HS6ST3: variants seen among roughly 807,000 people sequenced by gnomAD.
HS6ST3 encodes the protein heparan sulfate 6-O-sulfotransferase 3.
In HS6ST3, 12 loss-of-function variants were observed where a neutral mutation model predicts 36.7. That is an observed-to-expected ratio of 0.33 (90% CI 0.21 to 0.53). HS6ST3 has a LOEUF of 0.53. HS6ST3 is among the 20% of genes least tolerant of loss of function. The probability of loss-of-function intolerance (pLI) is 0.95; values close to 1 mark genes in which losing one functional copy is unlikely to be tolerated. For synonymous variants in HS6ST3, 240 were observed against 257.5 expected (o/e 0.93, Z 0.65); for missense variants, 584 against 640.9 (o/e 0.91, Z 0.96).
chr13:96,655,299 G>A (rs1428943900), intron 1 of HS6ST3, among the ~76,000 whole-genome samples: 2 of 152,024 alleles, frequency 1.3e-5, no homozygotes, highest in Non-Finnish European at 2.9e-5. Context: ...AGTAAATCAG[G>A]GGACATTTCT....
intron 1 of HS6ST3, among the ~76,000 whole-genome samples, chr13:96,565,265 C>T (rs1365329203): frequency 6.6e-6 from 1 of 151,946 alleles, no homozygotes; most frequent in Non-Finnish European, 1.5e-5. Context: ...GTTAATTTAG[C>T]AGAGAAGTGC....
chr13:96,430,913 A>G (rs2055611886), intron 1 of HS6ST3, among the ~76,000 whole-genome samples: 1 of 152,084 alleles, frequency 6.6e-6, no homozygotes, highest in Non-Finnish European at 1.5e-5. Context: ...GTCCAGGCCT[A>G]AGAAAACAAC....
At chr13:96,524,450 T>A (rs1179794994) in intron 1 of HS6ST3, among the ~76,000 whole-genome samples, 1 of 152,210 alleles carries the variant, frequency 6.6e-6, no homozygotes, top group African/African-American at 2.4e-5. Flanking sequence ...TTTGTTCAGA[T>A]ATACCCTGCC....
chr13:96,796,767 C>A (rs1413944221), intron 1 of HS6ST3, among the ~76,000 whole-genome samples: 5 of 152,022 alleles, frequency 3.3e-5, no homozygotes, highest in Admixed American at 3.3e-4. Flanking sequence ...ATTCAGGAAG[C>A]TGGCTACTAC....
intron 1 of HS6ST3, among the ~76,000 whole-genome samples, chr13:96,544,314 A>G (rs76142975): frequency 6.6e-6 from 1 of 152,232 alleles, no homozygotes; most frequent in South Asian, 2.1e-4. Context: ...ACTATGTAAT[A>G]TAATGAACTG....
intron 1 of HS6ST3, among the ~76,000 whole-genome samples, chr13:96,107,668 G>T (rs2053847828): frequency 6.6e-6 from 1 of 152,192 alleles, no homozygotes; most frequent in South Asian, 2.1e-4. Context: ...TAGAGGGACT[G>T]GCTGAAGCCA....
At chr13:96,767,283 G>C (rs1489245975) in intron 1 of HS6ST3, among the ~76,000 whole-genome samples, 1 of 152,060 alleles carries the variant, frequency 6.6e-6, no homozygotes, top group African/African-American at 2.4e-5. Context: ...AGTCACTGTG[G>C]AATTATACAC....
intron 1 of HS6ST3, among the ~76,000 whole-genome samples, chr13:96,533,727 A>C (rs3904715): frequency 0.07 from 10,630 of 152,260 alleles, 446 homozygotes; most frequent in African/African-American, 0.092. Flanking sequence ...TAAAGTCATC[A>C]CCAGAGGCCC....
chr13:96,544,787 G>A (rs1020477872), intron 1 of HS6ST3, among the ~76,000 whole-genome samples: 2 of 152,162 alleles, frequency 1.3e-5, no homozygotes, highest in African/African-American at 4.8e-5. Flanking sequence ...GGAGCATGGT[G>A]AGTGGTAAAT....
At chr13:96,315,442 A>C (rs1403418401) in intron 1 of HS6ST3, among the ~76,000 whole-genome samples, 1 of 152,156 alleles carries the variant, frequency 6.6e-6, no homozygotes, top group Non-Finnish European at 1.5e-5. Context: ...CATTTTATTT[A>C]TATTTAGAAC....
chr13:96,386,822 C>T (rs2055371012), intron 1 of HS6ST3, among the ~76,000 whole-genome samples: 1 of 152,164 alleles, frequency 6.6e-6, no homozygotes, highest in Non-Finnish European at 1.5e-5. Context: ...GCTGAGATTG[C>T]ACCACTGCAC....
intron 1 of HS6ST3, among the ~76,000 whole-genome samples, chr13:96,431,147 T>C (rs1242429177): frequency 6.6e-6 from 1 of 152,064 alleles, no homozygotes; most frequent in Admixed American, 6.6e-5. Context: ...GAGTTTGCAG[T>C]GAGCCGAGAT....
At chr13:96,689,163 G>A (rs967696512) in intron 1 of HS6ST3, among the ~76,000 whole-genome samples, 9 of 152,010 alleles carry the variant, frequency 5.9e-5, no homozygotes, top group Admixed American at 3.9e-4. Flanking sequence ...CTTCAAAGGA[G>A]TGTTCCGAGG....
At chr13:96,402,767 G>A (rs2055458069) in intron 1 of HS6ST3, among the ~76,000 whole-genome samples, 1 of 152,182 alleles carries the variant, frequency 6.6e-6, no homozygotes, top group African/African-American at 2.4e-5. Flanking sequence ...TTTCATTGCT[G>A]AGTGGTGTTC....
At chr13:96,357,515 A>G (rs1176105548) in intron 1 of HS6ST3, among the ~76,000 whole-genome samples, 2 of 152,194 alleles carry the variant, frequency 1.3e-5, no homozygotes, top group African/African-American at 4.8e-5. Flanking sequence ...AGAGAAAGCT[A>G]GTCAGTGGAG....
chr13:96,351,335 T>TTTTTTTTAAAA (rs1203595829), intron 1 of HS6ST3, among the ~76,000 whole-genome samples: 16 of 146,408 alleles, frequency 1.1e-4, no homozygotes, highest in African/African-American at 3.6e-4. Flanking sequence ...TTTTTTTTTT[T>TTTTTTTTAAAA]AAAAAAAACA....
intron 1 of HS6ST3, among the ~76,000 whole-genome samples, chr13:96,555,650 G>T (rs1306009785): frequency 6.6e-6 from 1 of 152,138 alleles, no homozygotes. Flanking sequence ...CTTGGGTATA[G>T]ATGTAAATAT....
intron 1 of HS6ST3, among the ~76,000 whole-genome samples, chr13:96,543,351 C>T (rs1037281003): frequency 1.3e-5 from 2 of 152,104 alleles, no homozygotes; most frequent in Admixed American, 1.3e-4. Flanking sequence ...TCACAGGATC[C>T]AAATAGACAC....
At chr13:96,125,788 T>A (rs970897524) in intron 1 of HS6ST3, among the ~76,000 whole-genome samples, 1 of 148,236 alleles carries the variant, frequency 6.7e-6, no homozygotes, top group Non-Finnish European at 1.5e-5. Flanking sequence ...TATTTTTTTA[T>A]TATTATTATA....
Sources: allele counts gnomAD v4.1 joint callset (sites outside exome capture counted in the v4.1 genomes callset), GRCh38; gene constraint gnomAD v4.1.1; transcripts MANE v1.5; gene names NCBI Gene and HGNC (gene_info 2026-07-23, HGNC 2026-07-21).